The following GLIS3 variants were observed in gnomAD, a reference collection of about 807,000 sequenced individuals.
GLIS3 encodes the protein GLIS family zinc finger 3.
GLIS3 carries 53 observed loss-of-function variants against 78.6 expected under a neutral mutation model. The observed-to-expected ratio is 0.67, with a 90% CI of 0.54 to 0.85. GLIS3 has a LOEUF of 0.85. Among genes scored for constraint, GLIS3 ranks in the 40% least tolerant of loss-of-function variants. The pLI is 0.00. For synonymous variants in GLIS3, 684 were observed against 509.9 expected, an observed-to-expected ratio of 1.34 and a Z score of -4.60; for missense variants, 1,703 against 1,231.1, an observed-to-expected ratio of 1.38 and a Z score of -5.74.
At chr9:4,032,904 A>C (rs1395303468) in intron 4 of GLIS3, among the ~76,000 whole-genome samples, 7 of 151,218 alleles carry the variant, frequency 4.6e-5, no homozygotes, top group African/African-American at 1.5e-4. Context: ...CCCAGGCTGG[A>C]GTGCGGTGGC....
chr9:4,360,611 A>T, the GLIS3 span, among the ~76,000 whole-genome samples: 1 of 152,188 alleles, frequency 6.6e-6, no homozygotes, highest in African/African-American at 2.4e-5. Flanking sequence ...TAAAAGAAAA[A>T]ATTGAGGATG....
chr9:4,104,225 C>A (rs1350101351), intron 4 of GLIS3, among the ~76,000 whole-genome samples: 1 of 152,132 alleles, frequency 6.6e-6, no homozygotes, highest in Non-Finnish European at 1.5e-5. Context: ...AGTCCAAAAT[C>A]AACCGATCTG....
chr9:4,437,988 G>A, the GLIS3 span, among the ~76,000 whole-genome samples: 2 of 152,142 alleles, frequency 1.3e-5, no homozygotes, highest in Admixed American at 1.3e-4. Flanking sequence ...TCATAGTTAA[G>A]TTCTCAGGGA....
At chr9:4,093,066 T>A (rs1159244757) in intron 4 of GLIS3, among the ~76,000 whole-genome samples, 1 of 152,210 alleles carries the variant, frequency 6.6e-6, no homozygotes, top group Non-Finnish European at 1.5e-5. Flanking sequence ...ATAGCCACTC[T>A]TTGACCAACA....
Position 4,202,344 on chromosome 9 carries a change from G to T in GLIS3, c.389-76403C>A, listed in dbSNP as rs149944849. Reference sequence around the variant, plus strand: ...TTTTTTGTATTTTTAGTAGAGACAGGGTTTCACCATGTTCACCAGGATGGT... The same window carrying T: ...TTTTTTGTATTTTTAGTAGAGACAGTGTTTCACCATGTTCACCAGGATGGT... On this transcript the variant is annotated intron_variant, in intron 2 of 10. Coordinates refer to ENST00000381971, the MANE Select transcript of GLIS3 (RefSeq NM_001042413.2). Among the ~76,000 whole-genome samples the T allele has an allele frequency of 3.3e-3, 500 of 150,640 alleles. 3 individuals are homozygous for T. The highest frequency in any genetic ancestry group is 0.014 in the Middle Eastern group (4 of 288).
chr9:4,250,086 T>C (rs1172663550), intron 2 of GLIS3, among the ~76,000 whole-genome samples: 2 of 152,194 alleles, frequency 1.3e-5, no homozygotes, highest in Non-Finnish European at 2.9e-5. Flanking sequence ...TTTTCTTTTT[T>C]TGTTGTATCT....
At chr9:3,834,927 C>A (rs921822809) in intron 9 of GLIS3, among the ~76,000 whole-genome samples, 1 of 152,182 alleles carries the variant, frequency 6.6e-6, no homozygotes, top group Non-Finnish European at 1.5e-5. Context: ...TTCTTCACTT[C>A]AGATTGCAGG....
the GLIS3 span, among the ~76,000 whole-genome samples, chr9:4,435,028 G>C: frequency 1.1e-4 from 17 of 152,262 alleles, no homozygotes; most frequent in African/African-American, 3.1e-4. Flanking sequence ...CAAGAATTTG[G>C]GTTGTTCACA....
chr9:3,843,892 C>T (rs1160249757), intron 9 of GLIS3, among the ~76,000 whole-genome samples: 1 of 152,130 alleles, frequency 6.6e-6, no homozygotes, highest in Non-Finnish European at 1.5e-5. Flanking sequence ...AGTAGTCATA[C>T]TTAAGTGAAC....
chr9:3,917,331 G>C (rs1442158542), intron 6 of GLIS3, among the ~76,000 whole-genome samples: 2 of 152,230 alleles, frequency 1.3e-5, no homozygotes, highest in African/African-American at 2.4e-5. Flanking sequence ...TGCATGAACA[G>C]TGCACTCAGC....
intron 2 of GLIS3, chr9:4,150,866 A>G (rs191135648): frequency 6.6e-6 from 1 of 152,284 alleles, no homozygotes; most frequent in Admixed American, 6.5e-5. Flanking sequence ...GCACCCAACT[A>G]AACCCACTTT....
intron 8 of GLIS3, among the ~76,000 whole-genome samples, chr9:3,857,187 A>G (rs761617483): frequency 5.9e-5 from 9 of 152,198 alleles, no homozygotes; most frequent in Non-Finnish European, 1.3e-4. Flanking sequence ...CAGCAAATGA[A>G]TTGTTTAGTT....
intron 2 of GLIS3, among the ~76,000 whole-genome samples, chr9:4,235,278 G>T (rs531152633): frequency 7.9e-6 from 1 of 126,682 alleles, no homozygotes; most frequent in African/African-American, 3.1e-5. Flanking sequence ...CAGGCTGGGC[G>T]ACACAGTGAG....
the GLIS3 span, among the ~76,000 whole-genome samples, chr9:4,483,656 G>C: frequency 6.6e-6 from 1 of 150,794 alleles, no homozygotes; most frequent in East Asian, 2.0e-4. Context: ...GGAGGCGGAG[G>C]ATGCAGTGAG....
chr9:3,967,938 A>C (rs1251287829), intron 4 of GLIS3, among the ~76,000 whole-genome samples: 4 of 152,188 alleles, frequency 2.6e-5, no homozygotes, highest in Non-Finnish European at 4.4e-5. Context: ...TGAGCAAATA[A>C]TGCTTTGTTG....
At chr9:3,871,708 C>G (rs1820979788) in intron 8 of GLIS3, among the ~76,000 whole-genome samples, 1 of 152,180 alleles carries the variant, frequency 6.6e-6, no homozygotes, top group African/African-American at 2.4e-5. Context: ...GACCCTGGGC[C>G]AGGCCCTGGA....
intron 4 of GLIS3, among the ~76,000 whole-genome samples, chr9:4,085,794 C>A (rs1014633492): frequency 6.6e-6 from 1 of 152,160 alleles, no homozygotes; most frequent in Admixed American, 6.5e-5. Context: ...CTTGCTCCTG[C>A]TTTTGCTAAG....
intron 4 of GLIS3, among the ~76,000 whole-genome samples, chr9:4,097,349 TAGA>T (rs1432069994): frequency 6.6e-6 from 1 of 152,028 alleles, no homozygotes; most frequent in Non-Finnish European, 1.5e-5. Context: ...ATGTCCATCC[TAGA>T]AGAAGGAACA....
the GLIS3 span, among the ~76,000 whole-genome samples, chr9:4,464,684 C>A: frequency 6.6e-6 from 1 of 152,136 alleles, no homozygotes; most frequent in Non-Finnish European, 1.5e-5. Context: ...CATGAGCCAC[C>A]ATGCCTGGCC....
Sources: gnomAD v4.1 joint callset for allele counts (sites outside exome capture counted in the v4.1 genomes callset) on GRCh38, gnomAD v4.1.1 for gene constraint, MANE v1.5 for transcripts, NCBI Gene and HGNC (gene_info 2026-07-23, HGNC 2026-07-21) for gene names.